The following EXD3 variants were observed in gnomAD, a reference collection of about 807,000 sequenced individuals.
EXD3 encodes the protein exonuclease 3'-5' domain containing 3, also known as exonuclease mut-7 homolog.
A neutral mutation model predicts 98.0 loss-of-function variants in EXD3; 92 were observed. That is an observed-to-expected ratio of 0.94 (90% confidence interval 0.79 to 1.12). The LOEUF (loss-of-function observed/expected upper bound fraction) is 1.12, where lower values mean the gene tolerates loss of function less well. Ranked by LOEUF, EXD3 falls within the 50% of genes most tolerant of loss-of-function variation. EXD3 has a pLI of 0.00. For synonymous variants in EXD3, 569 were observed against 526.0 expected, an observed-to-expected ratio of 1.08 and a Z score of -1.12; for missense variants, 1,222 against 1,191.6, an observed-to-expected ratio of 1.03 and a Z score of -0.38.
intron 19 of EXD3, among the ~76,000 whole-genome samples, chr9:137,315,241 C>T (rs1380567247): frequency 6.6e-6 from 1 of 152,234 alleles, no homozygotes; most frequent in Non-Finnish European, 1.5e-5. Flanking sequence ...GGGCCTCAGC[C>T]TTTCCCTGGG....
intron 3 of EXD3, among the ~76,000 whole-genome samples, chr9:137,379,571 A>C (rs1160586282): frequency 6.6e-6 from 1 of 151,850 alleles, no homozygotes; most frequent in Non-Finnish European, 1.5e-5. Context: ...GCGATGAACC[A>C]TTCTGAAACC....
intron 2 of EXD3, among the ~76,000 whole-genome samples, chr9:137,386,552 C>T (rs138490873): frequency 1.8e-4 from 28 of 152,180 alleles, no homozygotes; most frequent in Admixed American, 9.8e-4. Flanking sequence ...AACACCCAGC[C>T]GCGCAACACG....
At chr9:137,379,502 T>A (rs28621933) in intron 3 of EXD3, among the ~76,000 whole-genome samples, 3,156 of 65,274 alleles carry the variant, frequency 0.048, 1 homozygote, top group African/African-American at 0.12. Flanking sequence ...ACGGTGACCG[T>A]TGCCTGGGGC....
intron 1 of EXD3, among the ~76,000 whole-genome samples, chr9:137,396,015 T>G (rs1205232240): frequency 6.6e-6 from 1 of 150,800 alleles, no homozygotes; most frequent in African/African-American, 2.4e-5. Flanking sequence ...ATGCCCAGGC[T>G]GGAGTGCAGT....
chr9:137,412,523 C>G (rs1336404122), intron 1 of EXD3, among the ~76,000 whole-genome samples: 2 of 152,208 alleles, frequency 1.3e-5, no homozygotes, highest in African/African-American at 4.8e-5. Flanking sequence ...AGCCCCGCGG[C>G]CACCACTCCC....
intron 1 of EXD3, among the ~76,000 whole-genome samples, chr9:137,416,519 G>A (rs1037043997): frequency 1.3e-5 from 2 of 152,166 alleles, no homozygotes; most frequent in African/African-American, 2.4e-5. Flanking sequence ...CCGGGCAGGC[G>A]CCCGGAACCT....
rs1278557164 is a variant in EXD3, at chr9:137,395,350, G to C, written c.8C>G (p.Pro3Arg). Residue 3 changes from proline (P) to arginine (R), a missense_variant, in exon 2 of 22, where the codon CCA (proline) becomes CGA (arginine). Physicochemically the swap from Pro to Arg is moderately radical, Grantham distance 103. Coordinates refer to ENST00000340951, the MANE Select transcript of EXD3 (RefSeq NM_017820.5). The surrounding 1 kb of genome is among the most constrained non-coding windows in gnomAD (Gnocchi z 6.5). ...GGCAGGGTCACCAGCGGGATCTCCT[G>C]GGTCCATCCTCAGGGCCGGGCCGAG... Reference protein sequence around the residue: MDPGDPAGDPAAG... With the variant: MDRGDPAGDPAAG... The C allele has an allele frequency of 1.2e-6, 2 of 1,613,242 alleles. No individual in the cohort carries two copies. Among genetic ancestry groups the C allele is most frequent in the Non-Finnish European group, 1.7e-6 (2 of 1,179,810 alleles).
At chr9:137,421,940 A>T (rs994500550) in intron 1 of EXD3, among the ~76,000 whole-genome samples, 2 of 152,144 alleles carry the variant, frequency 1.3e-5, no homozygotes, top group African/African-American at 4.8e-5. Context: ...TCATCCTGGC[A>T]TACAAATTGG....
chr9:137,403,575 C>T lies in EXD3; in HGVS notation c.-47-8171G>A, dbSNP rs1438788020. Among the ~76,000 whole-genome samples, 1 of 111,550 alleles carries T rather than the reference C, an allele frequency of 9.0e-6. No homozygotes were observed. The highest frequency in any genetic ancestry group is 3.0e-5 in the African/African-American group (1 of 33,696). 73.2% of individuals were successfully genotyped at this position (111,550 alleles called of 152,430 possible). A position where few individuals can be genotyped will look rare whatever the true frequency, so the allele number is the denominator to read the frequency against. On this transcript the variant is annotated intron_variant, in intron 1 of 21. Coordinates refer to ENST00000340951, the MANE Select transcript of EXD3 (RefSeq NM_017820.5). This position sits in a 1 kb window ranked among gnomAD's most constrained non-coding sequence, Gnocchi z 6.1. ...ACCTGGGCCTCCATTCCCGAGCCCC[C>T]CAGTTTTCGCCTCTCTCCTTCTCTT... is the stretch of plus-strand genomic sequence containing the variant.
At chr9:137,351,668 G>T in intron 12 of EXD3, 140 bp from the exon 13 acceptor site, 1 of 767,008 alleles carries the variant, frequency 1.3e-6, no homozygotes, top group Non-Finnish European at 2.1e-6. Context: ...TAGGGCTGGG[G>T]CTGTTGGGGG....
intron 8 of EXD3, among the ~76,000 whole-genome samples, chr9:137,355,606 A>T (rs1330196187): frequency 1.9e-4 from 4 of 20,912 alleles, no homozygotes; most frequent in African/African-American, 4.3e-4. Flanking sequence ...GGAAGGAGAA[A>T]GGAGGAAGGA....
Position 137,349,617 on chromosome 9 carries a change from G to C in EXD3, c.1495-86C>G. 5.1e-6 allele frequency: 7 copies of C among 1,360,034 alleles called. No individual in the cohort carries two copies. The highest frequency in any genetic ancestry group is 5.8e-6 in the Non-Finnish European group (6 of 1,037,484). The allele number at this position is 1,360,034 out of a possible 1,614,324, so 84.2% of individuals were successfully genotyped here. On this transcript the variant is annotated intron_variant, in intron 14 of 21. Transcript: ENST00000340951. The surrounding 1 kb of genome is among the most constrained non-coding windows in gnomAD (Gnocchi z 7.4). ...GCCCACTCACACCAGCCCTGCGGGG[G>C]CTCTGGAGGAGGCCCCGCCCCCTCC...
chr9:137,316,134 G>C (rs1292584733), intron 19 of EXD3, among the ~76,000 whole-genome samples: 3 of 151,578 alleles, frequency 2.0e-5, no homozygotes, highest in South Asian at 2.1e-4. Context: ...TTCCCAGACG[G>C]GGGAGGGGCG....
chr9:137,366,539 T>C lies in EXD3; in HGVS notation c.610A>G (p.Met204Val), dbSNP rs1392603546. Residue 204 changes from methionine to valine, a missense_variant, in exon 7 of 22, where the codon ATG becomes GTG. Transcript: ENST00000340951. Reference sequence around the variant, plus strand: ...AAGCCGGGCTGGCACCAGGAATCCATGAGGACCAGCAGCCTCCTCTGGAGG... The same window carrying C: ...AAGCCGGGCTGGCACCAGGAATCCACGAGGACCAGCAGCCTCCTCTGGAGG... The part of the protein sequence containing the change: ...PDLQRRLLVL[M>V]DSWCQPGFDI... 5 of 1,551,554 alleles carry C rather than the reference T, an allele frequency of 3.2e-6. 1 individual carries two copies. In the Admixed American group the frequency reaches 7.8e-5, roughly 24 times the overall value.
At chr9:137,380,804 GC>G (rs1386436109) in intron 3 of EXD3, among the ~76,000 whole-genome samples, 1 of 146,878 alleles carries the variant, frequency 6.8e-6, no homozygotes, top group Non-Finnish European at 1.5e-5. Flanking sequence ...GCACCAGAAG[GC>G]CCCCCCGAGG....
At chr9:137,370,407 G>A (rs1398752727) in intron 5 of EXD3, among the ~76,000 whole-genome samples, 2 of 152,056 alleles carry the variant, frequency 1.3e-5, no homozygotes, top group Non-Finnish European at 2.9e-5. Flanking sequence ...GACCCCGTGG[G>A]AGGAACGAGC....
chr9:137,410,287 C>G (rs946968599), intron 1 of EXD3, among the ~76,000 whole-genome samples: 4 of 151,998 alleles, frequency 2.6e-5, no homozygotes, highest in Admixed American at 6.6e-5. Flanking sequence ...GAGTTCAAAA[C>G]CAGCCTGGCC....
rs927579542 is a variant in EXD3 at position 137,309,529 on chromosome 9, GC to G, written c.2278+77del. 15 of 1,230,684 alleles carry G rather than the reference GC, an allele frequency of 1.2e-5. No individual in the cohort carries two copies. The African/African-American group carries it at 1.6e-4, about 14-fold the overall frequency. 76.2% of individuals were successfully genotyped at this position (1,230,684 alleles called of 1,614,324 possible). A position where few individuals can be genotyped will look rare whatever the true frequency, so the allele number is the denominator to read the frequency against. On this transcript the variant is annotated intron_variant, in intron 20 of 21. Transcript: ENST00000340951. ...GGAAGCTCAGTGCTGGACGGGCCAG[GC>G]CCCTCTCCCTGGCTACCTCAGTAGG...
intron 8 of EXD3, among the ~76,000 whole-genome samples, chr9:137,355,471 A>AGGAGGAC (rs1834608468): frequency 1.2e-4 from 13 of 110,386 alleles, no homozygotes; most frequent in African/African-American, 2.6e-4. Flanking sequence ...GAAAGGAGGA[A>AGGAGGAC]GGAGGAAGGA....
Sources: allele counts gnomAD v4.1 joint callset (sites outside exome capture counted in the v4.1 genomes callset), GRCh38; gene constraint gnomAD v4.1.1; non-coding constraint Gnocchi (gnomAD v3.1); transcripts MANE v1.5; gene names NCBI Gene and HGNC (gene_info 2026-07-23, HGNC 2026-07-21).